Variants in TEF observed in about 807,000 individuals in gnomAD.
TEF encodes TEF transcription factor, PAR bZIP family member, also known as thyrotroph embryonic factor.
TEF carries 3 observed loss-of-function variants against 20.8 expected under a neutral mutation model. The observed-to-expected ratio is 0.14, with a 90% CI of 0.07 to 0.37. TEF has a LOEUF of 0.37. Among genes scored for constraint, TEF ranks in the 10% least tolerant of loss-of-function variants. TEF has a pLI of 1.00. For missense variants in TEF, 296 were observed against 397.9 expected (o/e 0.74, Z 2.18); for synonymous variants, 180 against 171.1 (o/e 1.05, Z -0.41).
At chr22:41,367,531 C>T (rs1477718578) in exon 1 of TEF, 2 of 1,550,946 alleles carry the variant, frequency 1.3e-6, no homozygotes, top group Non-Finnish European at 1.7e-6. Flanking sequence ...GTGGCCCCTG[C>T]CATGGACATG....
chr22:41,396,642 T>C lies in TEF; in HGVS notation c.*682T>C, dbSNP rs1601827671. 3.4e-6 allele frequency: 1 copy of C among 295,988 alleles called. No individual in the cohort carries two copies. The highest frequency in any genetic ancestry group is 2.2e-5 in the African/African-American group (1 of 46,456). 18.3% of individuals were successfully genotyped at this position (295,988 alleles called of 1,614,324 possible). A position where few individuals can be genotyped will look rare whatever the true frequency, so the allele number is the denominator to read the frequency against. On this transcript the variant is annotated 3_prime_UTR_variant, in exon 4 of 4. Transcript: ENST00000266304. ...CTTATGGCTCTGAGGCCATCGGCTG[T>C]CTCTGCATTTCATTGGCTGTGGAGG...
At chr22:41,369,023 G>A in intron 1 of TEF, 1 of 979,580 alleles carries the variant, frequency 1.0e-6, no homozygotes, top group Non-Finnish European at 1.2e-6. Flanking sequence ...TCCCCTCCTT[G>A]GTCCAGGAAC....
chr22:41,390,152 A>T (rs1006169489), intron 2 of TEF, among the ~76,000 whole-genome samples: 1 of 151,946 alleles, frequency 6.6e-6, no homozygotes, highest in Non-Finnish European at 1.5e-5. Context: ...CACCTTCCAA[A>T]GTTCTGGGAT....
chr22:41,381,260 C>T (rs2037015022), upstream of TEF, among the ~76,000 whole-genome samples: 1 of 152,232 alleles, frequency 6.6e-6, no homozygotes, highest in South Asian at 2.1e-4. Context: ...TGCCCCGCGA[C>T]CCTGGGCAGA....
intron 1 of TEF, among the ~76,000 whole-genome samples, chr22:41,374,777 A>C (rs1460255824): frequency 6.6e-6 from 1 of 152,050 alleles, no homozygotes; most frequent in Non-Finnish European, 1.5e-5. Flanking sequence ...GGATCATTGT[A>C]AAGGTCTTCA....
intron 1 of TEF, chr22:41,382,797 C>G (rs1231232287): frequency 2.4e-6 from 1 of 422,534 alleles, no homozygotes; most frequent in Non-Finnish European, 4.9e-6. Context: ...GGGGTGTGGG[C>G]GAGTAGTGTG....
chr22:41,382,667 C>T (rs919669593), intron 1 of TEF, among the ~76,000 whole-genome samples: 1 of 152,120 alleles, frequency 6.6e-6, no homozygotes, highest in Non-Finnish European at 1.5e-5. Flanking sequence ...AGCGAACTGT[C>T]ATCGTACGTG....
chr22:41,370,355 C>T lies in TEF; in HGVS notation c.67+2756C>T, dbSNP rs377033123. Among the ~76,000 whole-genome samples the T allele has an allele frequency of 1.2e-4, 18 of 150,646 alleles. No homozygotes were observed. The East Asian group carries it at 2.3e-3, about 20-fold the overall frequency. ...GTCTTTATCTCTTGACCTCATGATC[C>T]GCCCGCCTCAGCCTCCCGAAGTGCT... On this transcript the variant is annotated intron_variant, in intron 1 of 3. Transcript: ENST00000406644.
chr22:41,369,301 G>A, intron 1 of TEF: 1 of 961,632 alleles, frequency 1.0e-6, no homozygotes, highest in Non-Finnish European at 1.2e-6. Flanking sequence ...CTGGCACATA[G>A]GGGACCGCCC....
At chr22:41,389,270 G>A (rs1282933474) in intron 2 of TEF, among the ~76,000 whole-genome samples, 1 of 152,078 alleles carries the variant, frequency 6.6e-6, no homozygotes, top group Non-Finnish European at 1.5e-5. Flanking sequence ...GTGTGGTGGC[G>A]GGTGCCTATA....
chr22:41,371,165 G>C (rs2036878523), intron 1 of TEF, among the ~76,000 whole-genome samples: 2 of 152,212 alleles, frequency 1.3e-5, no homozygotes, highest in Admixed American at 1.3e-4. Context: ...AAGACACTGT[G>C]TCTCTAAATC....
chr22:41,385,292 G>A (rs1166591030), intron 1 of TEF, among the ~76,000 whole-genome samples: 1 of 152,062 alleles, frequency 6.6e-6, no homozygotes, highest in Non-Finnish European at 1.5e-5. Flanking sequence ...CACGGGAGGC[G>A]AAGGTTGTGG....
At chr22:41,375,560 C>G (rs1269216065) in intron 1 of TEF, among the ~76,000 whole-genome samples, 1 of 152,048 alleles carries the variant, frequency 6.6e-6, no homozygotes, top group Non-Finnish European at 1.5e-5. Context: ...GCCATGCTGG[C>G]TAACACAGTG....
intron 2 of TEF, among the ~76,000 whole-genome samples, chr22:41,392,452 G>T (rs1031767738): frequency 4.0e-5 from 6 of 151,816 alleles, no homozygotes; most frequent in Non-Finnish European, 8.8e-5. Context: ...GAGGCAGGTG[G>T]ATCACCAAGT....
At chr22:41,386,663 A>G (rs1289964975) in intron 1 of TEF, among the ~76,000 whole-genome samples, 2 of 152,176 alleles carry the variant, frequency 1.3e-5, no homozygotes, top group East Asian at 3.8e-4. Flanking sequence ...GAATTGCTTG[A>G]ACCCAGGAGG....
Position 41,398,431 on chromosome 22 carries a change from G to C in TEF, c.*2471G>C, listed in dbSNP as rs570661660. The C allele has an allele frequency of 6.5e-6, 1 of 153,876 alleles. No individual in the cohort carries two copies. Among genetic ancestry groups the C allele is most frequent in the African/African-American group, 2.4e-5 (1 of 41,564 alleles). The allele number at this position is 153,876 out of a possible 1,614,324, so 9.5% of individuals were successfully genotyped here. ...TTACCTTGGCTTTCTGTGGGTTCCCGATGGGCTTGGAAGTGCCGTCTACTT... is the reference window on the plus strand; with the variant it reads ...TTACCTTGGCTTTCTGTGGGTTCCCCATGGGCTTGGAAGTGCCGTCTACTT... On this transcript the variant is annotated 3_prime_UTR_variant, in exon 4 of 4. Coordinates refer to ENST00000266304, the MANE Select transcript of TEF (RefSeq NM_003216.4).
intron 2 of TEF, among the ~76,000 whole-genome samples, chr22:41,390,080 G>C (rs1015518412): frequency 6.6e-6 from 1 of 151,876 alleles, no homozygotes; most frequent in Non-Finnish European, 1.5e-5. Context: ...TTGTAGAGAT[G>C]GGGTTTTGCC....
At chr22:41,395,714 C>T (rs368894005) in intron 3 of TEF, 31 bp from the exon 4 acceptor site, 12 of 1,603,358 alleles carry the variant, frequency 7.5e-6, no homozygotes, top group African/African-American at 4.0e-5. Context: ...TGGGGAAAGA[C>T]GAGAGACTCA....
At chr22:41,369,092 G>C in intron 1 of TEF, 1 of 985,374 alleles carries the variant, frequency 1.0e-6, no homozygotes, top group Non-Finnish European at 1.2e-6. Context: ...ATGCCCCCCA[G>C]CACACACATG....
Sources: gnomAD v4.1 joint callset for allele counts (sites outside exome capture counted in the v4.1 genomes callset) on GRCh38, gnomAD v4.1.1 for gene constraint, MANE v1.5 for transcripts, NCBI Gene and HGNC (gene_info 2026-07-23, HGNC 2026-07-21) for gene names.